Variants in ACSL1 observed in about 807,000 individuals in gnomAD.
ACSL1 encodes the protein long-chain-fatty-acid--CoA ligase 1.
In ACSL1, 41 loss-of-function variants were observed where a neutral mutation model predicts 98.4. The ratio of observed to expected loss-of-function variants is 0.42; its 90% CI spans 0.32 to 0.54. The LOEUF (loss-of-function observed/expected upper bound fraction) is 0.54. Ranked by LOEUF, ACSL1 falls within the 20% of genes least tolerant of loss-of-function variation. The pLI is 0.13. For missense variants in ACSL1, 734 were observed against 883.1 expected, an observed-to-expected ratio of 0.83 and a Z score of 2.14; for synonymous variants, 316 against 322.7, an observed-to-expected ratio of 0.98 and a Z score of 0.22.
intron 15 of ACSL1, among the ~76,000 whole-genome samples, chr4:184,764,397 G>C (rs1579838691): frequency 6.6e-6 from 1 of 152,144 alleles, no homozygotes; most frequent in East Asian, 1.9e-4. Context: ...TTTTCCTTTT[G>C]AGAAATGACT....
chr4:184,757,983 T>C lies in ACSL1; in HGVS notation c.1783-63A>G. 6.7e-7 allele frequency: 1 copy of C among 1,503,690 alleles called. No individual in the cohort carries two copies. Among genetic ancestry groups the C allele is most frequent in the Non-Finnish European group, 9.2e-7 (1 of 1,085,228 alleles). The allele number at this position is 1,503,690 out of a possible 1,614,324, so 93.1% of individuals were successfully genotyped here. On this transcript the variant is annotated intron_variant, in intron 18 of 20. Coordinates refer to ENST00000281455, the MANE Select transcript of ACSL1 (RefSeq NM_001995.5). The surrounding 1 kb of genome is among the most constrained non-coding windows in gnomAD (Gnocchi z 4.5). The stretch of plus-strand genomic sequence containing the variant: ...CCAAATGCTCTAAAATAGTGGTTCT[T>C]TATTTTTCCATCTTGTGGCCCCCTG...
Position 184,768,468 on chromosome 4 carries a change from AAAAC to A in ACSL1, c.994-22_994-19del, listed in dbSNP as rs1180634234. The A allele has an allele frequency of 1.9e-6, 3 of 1,598,194 alleles. No homozygotes were observed. Among genetic ancestry groups the A allele is most frequent in the Admixed American group, 1.8e-5 (1 of 55,794 alleles). On this transcript the variant is annotated intron_variant, in intron 11 of 20. Transcript: ENST00000281455. Reference sequence around the variant, plus strand: ...ATTACACACTATAGGGGTAATGGAAAAAACAAACATTTTATCACCACAGCAGGGG... The same window carrying A: ...ATTACACACTATAGGGGTAATGGAAAAAACATTTTATCACCACAGCAGGGG...
intron 12 of ACSL1, 133 bp downstream of exon 12, chr4:184,768,180 GAGT>G (rs1220942225): frequency 1.1e-6 from 1 of 909,052 alleles, no homozygotes; most frequent in Non-Finnish European, 1.6e-6. Flanking sequence ...CTTTACAGAT[GAGT>G]AAACTGAAGT....
At chr4:184,796,568 T>C (rs13127985) in intron 2 of ACSL1, among the ~76,000 whole-genome samples, 41,518 of 152,146 alleles carry the variant, frequency 0.27, 7,047 homozygotes, top group Non-Finnish European at 0.38. Flanking sequence ...ATCAAGACCA[T>C]GGAATAACAG....
intron 1 of ACSL1, among the ~76,000 whole-genome samples, chr4:184,812,559 A>G (rs1480049825): frequency 6.6e-6 from 1 of 152,086 alleles, no homozygotes; most frequent in Non-Finnish European, 1.5e-5. Context: ...AGGGGACATA[A>G]AAATATTCTC....
intron 7 of ACSL1, among the ~76,000 whole-genome samples, chr4:184,775,298 A>G (rs1765110148): frequency 6.6e-6 from 1 of 152,078 alleles, no homozygotes; most frequent in South Asian, 2.1e-4. Flanking sequence ...GTCTTCTATA[A>G]ATTAATATTT....
intron 2 of ACSL1, among the ~76,000 whole-genome samples, chr4:184,799,572 G>C (rs1236608317): frequency 1.3e-5 from 2 of 152,108 alleles, no homozygotes; most frequent in Non-Finnish European, 2.9e-5. Context: ...TCTAGGCCAG[G>C]TGCTGTGGCT....
chr4:184,772,997 A>G, intron 10 of ACSL1, 84 bp downstream of exon 10: 1 of 1,345,156 alleles, frequency 7.4e-7, no homozygotes, highest in Non-Finnish European at 1.1e-6. Context: ...TGGACCTAAC[A>G]CACTGGTGCC....
chr4:184,825,323 T>C lies in ACSL1; in HGVS notation c.-33+593A>G. On this transcript the variant is annotated intron_variant, in intron 1 of 20. Coordinates refer to ENST00000281455, the MANE Select transcript of ACSL1 (RefSeq NM_001995.5). The surrounding 1 kb of genome is among the most constrained non-coding windows in gnomAD (Gnocchi z 4.7). ...TTAGATCAATGACTCCACGGCCAAG[T>C]GCAAGGGCCACGGGCACTCCTCTGG... 2.3e-6 allele frequency: 2 copies of C among 865,592 alleles called. No individual in the cohort carries two copies. The highest frequency in any genetic ancestry group is 2.8e-6 in the Non-Finnish European group (2 of 720,540). 53.6% of individuals were successfully genotyped at this position (865,592 alleles called of 1,614,324 possible). A position where few individuals can be genotyped will look rare whatever the true frequency, so the allele number is the denominator to read the frequency against.
chr4:184,783,224 A>G (rs1471010359), intron 4 of ACSL1, among the ~76,000 whole-genome samples: 1 of 152,178 alleles, frequency 6.6e-6, no homozygotes, highest in Non-Finnish European at 1.5e-5. Flanking sequence ...TGCTACTGCC[A>G]CTCATGAGCC....
At chr4:184,796,241 G>A (rs1769338317) in intron 2 of ACSL1, among the ~76,000 whole-genome samples, 1 of 152,184 alleles carries the variant, frequency 6.6e-6, no homozygotes, top group African/African-American at 2.4e-5. Flanking sequence ...AAGTCCTTCA[G>A]CGTTGGGACT....
At position 184,798,545 on chromosome 4, in the gene ACSL1, G is replaced by C. The variant is rs548404861; in HGVS notation, c.195+4775C>G. ...AGCAGGTGAAGGGCAGATGCCACTT[G>C]CATGGGGCTCATCACCAATGGCCCC... is the stretch of plus-strand genomic sequence containing the variant. On this transcript the variant is annotated intron_variant, in intron 2 of 20. Transcript: ENST00000281455. 114 of 185,022 alleles carry C rather than the reference G, an allele frequency of 6.2e-4. 2 individuals are homozygous for C. In the South Asian group the frequency reaches 0.015, roughly 25 times the overall value. 11.5% of individuals were successfully genotyped at this position (185,022 alleles called of 1,614,324 possible).
intron 2 of ACSL1, among the ~76,000 whole-genome samples, chr4:184,791,058 G>C (rs1284340983): frequency 6.6e-6 from 1 of 152,228 alleles, no homozygotes; most frequent in Non-Finnish European, 1.5e-5. Flanking sequence ...GGTTGTCTCA[G>C]CATGGCCTAG....
At chr4:184,782,153 G>A (rs1454541694) in intron 4 of ACSL1, among the ~76,000 whole-genome samples, 2 of 151,960 alleles carry the variant, frequency 1.3e-5, no homozygotes, top group African/African-American at 4.8e-5. Flanking sequence ...AGTCTTGGTT[G>A]CATTTAAGGA....
Position 184,766,673 on chromosome 4 carries a change from G to A in ACSL1, c.1212C>T (p.Gly404=). ...CCCACAGGCTGTTGTTTCTGATGAT[G>A]CCGCTGCGAAGCTCTGCTTCTTTCC... The part of the protein sequence containing the change: ...SKRKEAELRS[G]IIRNNSLWDR... Residue 404 remains glycine, a synonymous_variant, in exon 13 of 21, where the codon GGC becomes GGT. Coordinates refer to ENST00000281455, the MANE Select transcript of ACSL1 (RefSeq NM_001995.5). The surrounding 1 kb of genome is among the most constrained non-coding windows in gnomAD (Gnocchi z 4.8). 6.2e-7 allele frequency: 1 copy of A among 1,614,186 alleles called. No individual in the cohort carries two copies. Among genetic ancestry groups the A allele is most frequent in the Non-Finnish European group, 8.5e-7 (1 of 1,180,034 alleles).
chr4:184,792,053 T>G (rs1341341818), intron 2 of ACSL1, among the ~76,000 whole-genome samples: 1 of 152,236 alleles, frequency 6.6e-6, no homozygotes, highest in African/African-American at 2.4e-5. Context: ...TAGTTAGGTT[T>G]AAGTTTTTGG....
intron 1 of ACSL1, among the ~76,000 whole-genome samples, chr4:184,822,143 G>C (rs1773110421): frequency 6.6e-6 from 1 of 152,118 alleles, no homozygotes; most frequent in African/African-American, 2.4e-5. Flanking sequence ...CCAGTTTTGA[G>C]ATTTTATTTT....
intron 2 of ACSL1, among the ~76,000 whole-genome samples, chr4:184,796,963 AACTG>A (rs1769496210): frequency 6.6e-6 from 1 of 152,300 alleles, no homozygotes; most frequent in East Asian, 1.9e-4. Flanking sequence ...CCTGCCTTGC[AACTG>A]ACTGTGACAG....
At chr4:184,805,125 T>C (rs746889560) in intron 1 of ACSL1, among the ~76,000 whole-genome samples, 1 of 152,134 alleles carries the variant, frequency 6.6e-6, no homozygotes, top group African/African-American at 2.4e-5. Context: ...AACAGACACT[T>C]CTCAAAAGAA....
Sources: allele counts gnomAD v4.1 joint callset (sites outside exome capture counted in the v4.1 genomes callset), GRCh38; gene constraint gnomAD v4.1.1; non-coding constraint Gnocchi (gnomAD v3.1); transcripts MANE v1.5; gene names NCBI Gene and HGNC (gene_info 2026-07-23, HGNC 2026-07-21).